Variants in FCHO1 observed in about 807,000 individuals in gnomAD.
FCHO1 encodes the protein F-BAR domain only protein 1.
A neutral mutation model predicts 114.4 loss-of-function variants in FCHO1; 45 were observed. The ratio of observed to expected loss-of-function variants is 0.39; its 90% CI spans 0.31 to 0.50. The LOEUF (loss-of-function observed/expected upper bound fraction) is 0.50. FCHO1 is among the 20% of genes least tolerant of loss of function. FCHO1 has a pLI of 0.77. For missense variants in FCHO1, 1,042 were observed against 1,209.6 expected (o/e 0.86, Z 2.06); for synonymous variants, 480 against 488.9 (o/e 0.98, Z 0.24).
chr19:17,787,215 C>G, intron 27 of FCHO1, among the ~76,000 whole-genome samples: 2 of 101,802 alleles, frequency 2.0e-5, no homozygotes, highest in African/African-American at 8.0e-5. Context: ...CAGAGCGAGA[C>G]TCTGTCTCAA....
In FCHO1 at chr19:17,784,729, C is replaced by T; in HGVS notation, c.2231C>T (p.Ser744Phe). ...YNVVLLRYQF[S>F]RPGPQSVPLQ... is the part of the protein sequence containing the mutation. ...TCTCATTCTCATTCTTCCTAGTTCT[C>T]CCGCCCGGGTCCCCAGTCTGTGCCT... Residue 744 changes from serine (S) to phenylalanine (F), a missense_variant, in exon 26 of 29, where the codon TCC becomes TTC. Coordinates refer to ENST00000596536, the MANE Select transcript of FCHO1 (RefSeq NM_015122.3). The surrounding 1 kb of genome is among the most constrained non-coding windows in gnomAD (Gnocchi z 5.3). 2 of 1,613,950 alleles carry T rather than the reference C, an allele frequency of 1.2e-6. No individual in the cohort carries two copies. Among genetic ancestry groups the T allele is most frequent in the South Asian group, 2.2e-5 (2 of 91,084 alleles).
At chr19:17,785,564 T>G (rs539430694) in intron 26 of FCHO1, among the ~76,000 whole-genome samples, 1 of 152,004 alleles carries the variant, frequency 6.6e-6, no homozygotes, top group African/African-American at 2.4e-5. Context: ...CCGGGTGCGG[T>G]GGCTCACACC....
Position 17,783,069 on chromosome 19 carries a change from G to A in FCHO1, c.1990G>A (p.Val664Met), listed in dbSNP as rs139087280. The A allele has an allele frequency of 2.5e-5, 41 of 1,613,992 alleles. No homozygotes were observed. The African/African-American group carries it at 3.1e-4, about 12-fold the overall frequency. Residue 664 changes from valine to methionine, a missense_variant, in exon 24 of 29, where the codon GTG becomes ATG. By Grantham distance (21) the Val-to-Met change is conservative (BLOSUM62 1). Around this residue, in one of 3 missense-constraint regions of FCHO1, gnomAD observed 455 missense variants for 455.4 expected, o/e 1.00. Transcript: ENST00000596536. Reference protein sequence around the residue: ...ELTMTFPAGIVRVFSGTPPPP... With the variant: ...ELTMTFPAGIMRVFSGTPPPP... ...GACCATGACCTTCCCTGCTGGCATC[G>A]TGCGTGTGTTCAGCGGGACCCCACC...
At position 17,764,464 on chromosome 19, in the gene FCHO1, G is replaced by C; in HGVS notation, c.194+15G>C. ...ACCCCCATGGGGTGAGTGGGGTAGG[G>C]GTCACCAACATGGGGACATTGGGAG... On this transcript the variant is annotated intron_variant, in intron 6 of 28. Transcript: ENST00000596536. 1 of 1,599,132 alleles carries C rather than the reference G, an allele frequency of 6.3e-7. No homozygotes were observed. The highest frequency in any genetic ancestry group is 8.5e-7 in the Non-Finnish European group (1 of 1,172,118).
chr19:17,750,335 G>A (rs2081581741), upstream of FCHO1, among the ~76,000 whole-genome samples: 1 of 152,066 alleles, frequency 6.6e-6, no homozygotes. Flanking sequence ...GGGTCCCTAG[G>A]TTGATGTTTT....
chr19:17,765,518 C>A (rs1836820033), intron 6 of FCHO1, among the ~76,000 whole-genome samples: 1 of 151,706 alleles, frequency 6.6e-6, no homozygotes, highest in African/African-American at 2.4e-5. Context: ...ACTAAAAATG[C>A]AAAAATTAGC....
chr19:17,764,536 G>C (rs1030065154), intron 6 of FCHO1, 87 bp downstream of exon 6: 30 of 1,108,022 alleles, frequency 2.7e-5, no homozygotes, highest in Non-Finnish European at 3.9e-5. Flanking sequence ...ATGTAGAATA[G>C]AGTGTCATCC....
At chr19:17,753,176 T>A (rs2082428830) in intron 1 of FCHO1, among the ~76,000 whole-genome samples, 1 of 152,192 alleles carries the variant, frequency 6.6e-6, no homozygotes, top group Non-Finnish European at 1.5e-5. Flanking sequence ...AGGGTCCTGG[T>A]CATGGACAGA....
chr19:17,768,650 C>T (rs1332382488), intron 7 of FCHO1, among the ~76,000 whole-genome samples: 4 of 149,554 alleles, frequency 2.7e-5, no homozygotes, highest in African/African-American at 9.9e-5. Context: ...GTTGAGATCG[C>T]GACACACCAC....
rs10544763 is a variant in FCHO1 at position 17,752,226 on chromosome 19, T to TTGTATGTATGTATGTATGTA, written c.-183+663_-183+682dup. On this transcript the variant is annotated intron_variant, in intron 1 of 28. Transcript: ENST00000596536. ...CACAGCTGAGGAGCTGGGCATATAA[T>TTGTATGTATGTATGTATGTA]TGTATGTATGTATGTATGTATGTAT... 4 of 149,836 alleles carry TTGTATGTATGTATGTATGTA rather than the reference T, an allele frequency of 2.7e-5. No individual in the cohort carries two copies. The South Asian group carries it at 6.4e-4, about 24-fold the overall frequency. 9.3% of individuals were successfully genotyped at this position (149,836 alleles called of 1,614,324 possible). A position where few individuals can be genotyped will look rare whatever the true frequency, so the allele number is the denominator to read the frequency against.
intron 27 of FCHO1, among the ~76,000 whole-genome samples, 160 bp from the exon 28 acceptor site, chr19:17,787,522 G>C (rs1196381537): frequency 6.6e-6 from 1 of 152,182 alleles, no homozygotes; most frequent in Non-Finnish European, 1.5e-5. Context: ...ACAAAGCCCA[G>C]TGATGCCAGG....
chr19:17,767,074 GT>G (rs71162196), intron 7 of FCHO1, among the ~76,000 whole-genome samples: 2 of 138,576 alleles, frequency 1.4e-5, no homozygotes, highest in East Asian at 2.1e-4. Context: ...GCTAAGAAGG[GT>G]TTTTTTTTTT....
chr19:17,750,998 C>A (rs922234763), upstream of FCHO1, among the ~76,000 whole-genome samples: 2 of 152,022 alleles, frequency 1.3e-5, no homozygotes, highest in African/African-American at 2.4e-5. Flanking sequence ...TGGGCCACCA[C>A]GCCCAGCTAA....
chr19:17,750,115 T>C (rs1320658258), upstream of FCHO1, among the ~76,000 whole-genome samples: 1 of 152,174 alleles, frequency 6.6e-6, no homozygotes, highest in Non-Finnish European at 1.5e-5. Context: ...CTCACATGTC[T>C]CAGCCCCAGG....
chr19:17,776,732 C>T lies in FCHO1; in HGVS notation c.1259+46C>T, dbSNP rs778324058. On this transcript the variant is annotated intron_variant, in intron 18 of 28. Transcript: ENST00000596536. The surrounding 1 kb of genome is among the most constrained non-coding windows in gnomAD (Gnocchi z 4.4). The stretch of plus-strand genomic sequence containing the variant: ...CAGGTGGGGGCTGTCCCCACCTCCT[C>T]CCTCCACCTCCCCATGTCTCCGCCT... 1.3e-6 allele frequency: 2 copies of T among 1,549,360 alleles called. No homozygotes were observed. The highest frequency in any genetic ancestry group is 2.2e-5 in the South Asian group (2 of 89,546).
intron 9 of FCHO1, among the ~76,000 whole-genome samples, chr19:17,772,218 G>T (rs145277335): frequency 0.013 from 2,055 of 152,260 alleles, 16 homozygotes; most frequent in Non-Finnish European, 0.021. Context: ...ATGCACATGT[G>T]TGCATCAAAC....
chr19:17,764,509 C>A (rs1407967569), intron 6 of FCHO1, 60 bp downstream of exon 6: 1 of 1,379,202 alleles, frequency 7.3e-7, no homozygotes, highest in East Asian at 2.3e-5. Flanking sequence ...TGGTGGACAT[C>A]TCTTCACACT....
chr19:17,763,909 T>G (rs1421422721), intron 5 of FCHO1, among the ~76,000 whole-genome samples: 1 of 151,892 alleles, frequency 6.6e-6, no homozygotes, highest in Non-Finnish European at 1.5e-5. Flanking sequence ...AAATCTTCTA[T>G]GAATTTTCAA....
In FCHO1 at chr19:17,781,517, C is replaced by T. The variant is rs748779059; in HGVS notation, c.1806C>T (p.Ser602=). Residue 602 remains serine, a synonymous_variant, in exon 22 of 29, where the codon AGC becomes AGT. Coordinates refer to ENST00000596536, the MANE Select transcript of FCHO1 (RefSeq NM_015122.3). ...CCAGCACTGCCTTGGAACGGCCCAG[C>T]TTCTTATCCCAGACAGGACACGGTA... ...SAASTALERP[S]FLSQTGHGVS... 4.3e-6 allele frequency: 7 copies of T among 1,613,932 alleles called. No homozygotes were observed. In the African/African-American group the frequency reaches 6.7e-5, roughly 15 times the overall value.
Sources: gnomAD v4.1 joint callset for allele counts (sites outside exome capture counted in the v4.1 genomes callset) on GRCh38, gnomAD v4.1.1 for gene constraint, gnomAD v4.1.1 regional missense constraint, Gnocchi (gnomAD v3.1) non-coding constraint, MANE v1.5 for transcripts, NCBI Gene and HGNC (gene_info 2026-07-23, HGNC 2026-07-21) for gene names.